The following SNTB2 variants were observed in gnomAD, a reference collection of about 807,000 sequenced individuals.
The protein encoded by SNTB2 is beta-2-syntrophin.
SNTB2 carries 34 observed loss-of-function variants against 46.2 expected under a neutral mutation model. The ratio of observed to expected loss-of-function variants is 0.74; its 90% confidence interval spans 0.56 to 0.98. SNTB2 has a LOEUF of 0.98. Among genes scored for constraint, SNTB2 ranks in the 50% least tolerant of loss-of-function variants. SNTB2 has a pLI of 0.00. For synonymous variants in SNTB2, 290 were observed against 312.6 expected, an observed-to-expected ratio of 0.93 and a Z score of 0.76; for missense variants, 603 against 731.4, an observed-to-expected ratio of 0.82 and a Z score of 2.02.
intron 1 of SNTB2, among the ~76,000 whole-genome samples, chr16:69,214,640 C>T (rs1315596276): frequency 6.6e-6 from 1 of 151,794 alleles, no homozygotes; most frequent in Non-Finnish European, 1.5e-5. Context: ...GATTCTCCTG[C>T]CTCAGCCTCC....
At chr16:69,203,081 C>T (rs1316060412) in intron 1 of SNTB2, among the ~76,000 whole-genome samples, 10 of 151,052 alleles carry the variant, frequency 6.6e-5, no homozygotes, top group Non-Finnish European at 1.5e-4. Context: ...CTCAGGGGCG[C>T]GATCTCAGCT....
chr16:69,258,563 A>G (rs183848783), intron 2 of SNTB2, among the ~76,000 whole-genome samples: 1 of 149,828 alleles, frequency 6.7e-6, no homozygotes, highest in Non-Finnish European at 1.5e-5. Flanking sequence ...ACAGTTTCAA[A>G]TTTTACAGAG....
Position 69,284,074 on chromosome 16 carries a change from G to T in SNTB2, c.1175G>T (p.Arg392Leu), listed in dbSNP as rs752072953. ...TTGGTTCATTCTGGCTCCGGATGTC[G>T]ATCCCCCTCCCTTGGATCTGACCTT... ...TRLVHSGSGC[R>L]SPSLGSDLTF... is the part of the protein sequence containing the mutation. Residue 392 changes from arginine (R) to leucine (L), a missense_variant, in exon 5 of 7, where the codon CGA becomes CTA. Physicochemically the swap from Arg to Leu is moderately radical, Grantham distance 102. This residue lies in a region of SNTB2 where 537 missense variants were observed against 692.4 expected (regional missense o/e 0.78). Transcript: ENST00000336278. The T allele has an allele frequency of 1.2e-6, 2 of 1,612,648 alleles. No individual in the cohort carries two copies. The highest frequency in any genetic ancestry group is 2.2e-5 in the East Asian group (1 of 44,870).
At chr16:69,191,231 A>AAAAG (rs1168017713) in intron 1 of SNTB2, 3 of 149,810 alleles carry the variant, frequency 2.0e-5, no homozygotes, top group Non-Finnish European at 4.4e-5. Flanking sequence ...TAAAAAAAAA[A>AAAAG]AAAGAAAGAA....
At chr16:69,228,411 T>C (rs1964477955) in intron 1 of SNTB2, among the ~76,000 whole-genome samples, 1 of 140,746 alleles carries the variant, frequency 7.1e-6, no homozygotes, top group Non-Finnish European at 1.5e-5. Context: ...GAGGTTGAGG[T>C]GGGAGGATGG....
At chr16:69,226,342 A>T (rs1237197596) in intron 1 of SNTB2, among the ~76,000 whole-genome samples, 2 of 151,764 alleles carry the variant, frequency 1.3e-5, no homozygotes, top group East Asian at 1.9e-4. Flanking sequence ...AAGTGCTGGG[A>T]TTACAGGCGT....
chr16:69,255,482 C>G (rs1467285417), intron 2 of SNTB2, among the ~76,000 whole-genome samples: 1 of 151,502 alleles, frequency 6.6e-6, no homozygotes, highest in South Asian at 2.1e-4. Flanking sequence ...ATGGCGTGAA[C>G]CTGGGAGGCG....
At chr16:69,229,626 T>C (rs1242761252) in intron 1 of SNTB2, among the ~76,000 whole-genome samples, 3 of 150,406 alleles carry the variant, frequency 2.0e-5, no homozygotes, top group African/African-American at 7.3e-5. Flanking sequence ...GATCACGAGG[T>C]CAAGAGATTG....
intron 4 of SNTB2, among the ~76,000 whole-genome samples, chr16:69,275,542 T>A (rs1964978947): frequency 6.6e-6 from 1 of 152,184 alleles, no homozygotes; most frequent in African/African-American, 2.4e-5. Context: ...TAAGTGGGGC[T>A]TAATGATCCT....
At chr16:69,285,707 T>G (rs534499396) in intron 5 of SNTB2, among the ~76,000 whole-genome samples, 2 of 151,932 alleles carry the variant, frequency 1.3e-5, no homozygotes, top group Non-Finnish European at 2.9e-5. Context: ...CCCAGGCTGG[T>G]CTCAAACTCT....
intron 1 of SNTB2, among the ~76,000 whole-genome samples, chr16:69,200,929 T>A (rs576433214): frequency 2.6e-5 from 4 of 152,320 alleles, no homozygotes; most frequent in African/African-American, 9.6e-5. Context: ...TCTTGTGGGG[T>A]AATGGCAGAA....
At chr16:69,272,641 C>G (rs191034324) in intron 4 of SNTB2, among the ~76,000 whole-genome samples, 1 of 149,692 alleles carries the variant, frequency 6.7e-6, no homozygotes, top group African/African-American at 2.5e-5. Flanking sequence ...CCTGTAATCA[C>G]AACACTTTGG....
At chr16:69,287,795 T>C (rs1965119116) in intron 5 of SNTB2, among the ~76,000 whole-genome samples, 1 of 150,920 alleles carries the variant, frequency 6.6e-6, no homozygotes, top group Non-Finnish European at 1.5e-5. Flanking sequence ...GGAGGCGGAG[T>C]CTGCAGTGAG....
intron 5 of SNTB2, among the ~76,000 whole-genome samples, chr16:69,296,999 T>C (rs1402077822): frequency 6.9e-6 from 1 of 143,966 alleles, no homozygotes; most frequent in African/African-American, 2.6e-5. Flanking sequence ...GAGACTCTTA[T>C]CTCAAAAAAA....
intron 1 of SNTB2, among the ~76,000 whole-genome samples, chr16:69,196,375 TC>T (rs147748507): frequency 5.3e-5 from 8 of 150,728 alleles, no homozygotes; most frequent in African/African-American, 1.7e-4. Context: ...CTTTTCTTTT[TC>T]TTTTTTTTTT....
chr16:69,276,267 C>G (rs1198628455), intron 4 of SNTB2, among the ~76,000 whole-genome samples: 2 of 151,786 alleles, frequency 1.3e-5, no homozygotes, highest in Non-Finnish European at 2.9e-5. Flanking sequence ...GCTTATGGGA[C>G]TTGTGGGGCA....
intron 4 of SNTB2, among the ~76,000 whole-genome samples, chr16:69,281,905 C>CTTTTT (rs776664092): frequency 8.0e-6 from 1 of 125,322 alleles, no homozygotes; most frequent in South Asian, 2.7e-4. Flanking sequence ...TTGTTTCTCT[C>CTTTTT]TTTTTTTTTT....
At chr16:69,292,369 T>TATA (rs1555501232) in intron 5 of SNTB2, among the ~76,000 whole-genome samples, 2 of 32,390 alleles carry the variant, frequency 6.2e-5, no homozygotes, top group African/African-American at 1.5e-4. Flanking sequence ...TATATATATA[T>TATA]ATATATATAT....
intron 4 of SNTB2, among the ~76,000 whole-genome samples, chr16:69,282,822 T>C (rs896521271): frequency 2.6e-5 from 4 of 152,268 alleles, no homozygotes; most frequent in African/African-American, 9.6e-5. Context: ...GTTGGACTTA[T>C]GCTTAAGCAT....
Sources: allele counts gnomAD v4.1 joint callset (sites outside exome capture counted in the v4.1 genomes callset), GRCh38; gene constraint gnomAD v4.1.1; regional missense constraint gnomAD v4.1.1; transcripts MANE v1.5; gene names NCBI Gene and HGNC (gene_info 2026-07-23, HGNC 2026-07-21).